Variants in DAPP1 observed in about 807,000 individuals in gnomAD.
DAPP1 encodes the protein dual adapter for phosphotyrosine and 3-phosphotyrosine and 3-phosphoinositide.
A neutral mutation model predicts 41.5 loss-of-function variants in DAPP1; 20 were observed. The ratio of observed to expected loss-of-function variants is 0.48; its 90% confidence interval spans 0.34 to 0.70. The LOEUF (loss-of-function observed/expected upper bound fraction) is 0.70. Ranked by LOEUF, DAPP1 falls within the 30% of genes least tolerant of loss-of-function variation. The probability of loss-of-function intolerance (pLI) is 0.01; values close to 1 mark genes in which losing one functional copy is unlikely to be tolerated. For synonymous variants in DAPP1, 113 were observed against 116.2 expected, an observed-to-expected ratio of 0.97 and a Z score of 0.18; for missense variants, 233 against 333.4, an observed-to-expected ratio of 0.70 and a Z score of 2.35.
chr4:99,853,309 A>G lies in DAPP1; in HGVS notation c.450A>G (p.Thr150=). The G allele has an allele frequency of 1.2e-6, 2 of 1,612,278 alleles. No individual in the cohort carries two copies. Among genetic ancestry groups the G allele is most frequent in the Non-Finnish European group, 1.7e-6 (2 of 1,179,062 alleles). Residue 150 remains threonine (T), a synonymous_variant, in exon 4 of 9, where the codon ACA becomes ACG. Transcript: ENST00000512369. ...ESVRVHTAMQ[T]GRTEDDLVPT... ...TCCGGGTTCACACAGCAATGCAGAC[A>G]GGAAGAACAGAAGATGACCTTGTGC...
chr4:99,841,557 G>A (rs1013254686), intron 3 of DAPP1, among the ~76,000 whole-genome samples: 1 of 152,118 alleles, frequency 6.6e-6, no homozygotes, highest in African/African-American at 2.4e-5. Context: ...TGAACAAATG[G>A]CCAGTGGAGG....
intron 1 of DAPP1, among the ~76,000 whole-genome samples, chr4:99,828,895 G>A (rs1723030628): frequency 6.6e-6 from 1 of 152,102 alleles, no homozygotes; most frequent in Non-Finnish European, 1.5e-5. Context: ...CATAATTATG[G>A]CAATGTGTGG....
chr4:99,821,000 T>C (rs1367089835), intron 1 of DAPP1, among the ~76,000 whole-genome samples: 2 of 152,184 alleles, frequency 1.3e-5, no homozygotes, highest in Non-Finnish European at 2.9e-5. Context: ...ATAAACAAAA[T>C]GAGTCCGTAT....
chr4:99,844,337 A>C (rs1041635989), intron 3 of DAPP1: 4 of 152,196 alleles, frequency 2.6e-5, no homozygotes, highest in African/African-American at 9.6e-5. Context: ...TTTCTGTCTC[A>C]ATAGTAGGAT....
intron 2 of DAPP1, among the ~76,000 whole-genome samples, chr4:99,838,695 C>T (rs547765751): frequency 4.5e-4 from 69 of 152,326 alleles, no homozygotes; most frequent in South Asian, 3.1e-3. Flanking sequence ...TCCTGCTGTG[C>T]GGCCTGGTTC....
Position 99,840,439 on chromosome 4 carries a change from C to T in DAPP1, c.358+17C>T, listed in dbSNP as rs1229795794. ...GCGAGACAGGTAAGCTATGAGCAGA[C>T]ACTTGACTTATGAAATAATGTTTCG... On this transcript the variant is annotated intron_variant, in intron 3 of 8. Transcript: ENST00000512369. 1 of 1,602,776 alleles carries T rather than the reference C, an allele frequency of 6.2e-7. No homozygotes were observed. The highest frequency in any genetic ancestry group is 1.7e-5 in the Admixed American group (1 of 57,774).
intron 7 of DAPP1, 43 bp downstream of exon 7, chr4:99,863,898 C>A: frequency 1.6e-6 from 2 of 1,281,896 alleles, no homozygotes; most frequent in Non-Finnish European, 2.2e-6. Context: ...TGTCTTCTTG[C>A]CAGACACTTA....
intron 1 of DAPP1, among the ~76,000 whole-genome samples, chr4:99,819,311 G>A (rs1578337969): frequency 6.6e-6 from 1 of 152,182 alleles, no homozygotes; most frequent in African/African-American, 2.4e-5. Flanking sequence ...AAGAGTTGGG[G>A]TGTGGAGAAA....
At chr4:99,854,922 T>C (rs1013509917) in intron 4 of DAPP1, among the ~76,000 whole-genome samples, 21 of 152,254 alleles carry the variant, frequency 1.4e-4, no homozygotes, top group African/African-American at 5.1e-4. Context: ...AATCATTGCT[T>C]GTCCTTGCAG....
chr4:99,839,479 G>T (rs1303258400), intron 2 of DAPP1, among the ~76,000 whole-genome samples: 1 of 151,458 alleles, frequency 6.6e-6, no homozygotes, highest in African/African-American at 2.4e-5. Context: ...AAATGACAAT[G>T]TAGGAAATTT....
At chr4:99,817,565 A>G (rs932129794) in intron 1 of DAPP1, among the ~76,000 whole-genome samples, 2 of 152,166 alleles carry the variant, frequency 1.3e-5, no homozygotes, top group Non-Finnish European at 2.9e-5. Flanking sequence ...GTATGTCCAG[A>G]GAGCCAACTT....
At chr4:99,848,053 C>G (rs998874952) in intron 3 of DAPP1, among the ~76,000 whole-genome samples, 1 of 151,938 alleles carries the variant, frequency 6.6e-6, no homozygotes, top group Non-Finnish European at 1.5e-5. Flanking sequence ...ACCTCATGAT[C>G]CGCCCCCTCG....
At position 99,836,276 on chromosome 4, in the gene DAPP1, A is replaced by G. The variant is rs1405743073; in HGVS notation, c.224+531A>G. Among the ~76,000 whole-genome samples, 3 of 152,166 alleles carry G rather than the reference A, an allele frequency of 2.0e-5. 1 individual carries two copies. Among genetic ancestry groups the G allele is most frequent in the Non-Finnish European group, 4.4e-5 (3 of 68,034 alleles). On this transcript the variant is annotated intron_variant, in intron 2 of 8. Coordinates refer to ENST00000512369, the MANE Select transcript of DAPP1 (RefSeq NM_014395.3). ...AGTTAATCCAGTCCCCACCAGGTTC[A>G]TACAGCCAAATGCAGTCATTGTCCA...
intron 1 of DAPP1, among the ~76,000 whole-genome samples, chr4:99,832,135 T>A (rs1723148082): frequency 6.6e-6 from 1 of 152,194 alleles, no homozygotes; most frequent in Non-Finnish European, 1.5e-5. Flanking sequence ...AGATTAATGG[T>A]TATTTGTCAC....
At chr4:99,820,499 A>G (rs189716919) in intron 1 of DAPP1, among the ~76,000 whole-genome samples, 1 of 152,366 alleles carries the variant, frequency 6.6e-6, no homozygotes, top group East Asian at 1.9e-4. Flanking sequence ...GAAACATAAT[A>G]AACGTTCTCT....
chr4:99,825,014 G>A (rs905244658), intron 1 of DAPP1, among the ~76,000 whole-genome samples: 1 of 152,116 alleles, frequency 6.6e-6, no homozygotes, highest in Admixed American at 6.5e-5. Flanking sequence ...CCCTGGGTAT[G>A]TTGGTCCATC....
intron 5 of DAPP1, among the ~76,000 whole-genome samples, chr4:99,862,092 A>C (rs1054268033): frequency 3.3e-5 from 5 of 152,228 alleles, no homozygotes; most frequent in African/African-American, 1.2e-4. Flanking sequence ...TTCCCCATTT[A>C]TGAGACTGTA....
At chr4:99,830,500 C>T (rs1723085766) in intron 1 of DAPP1, among the ~76,000 whole-genome samples, 1 of 152,170 alleles carries the variant, frequency 6.6e-6, no homozygotes, top group East Asian at 1.9e-4. Flanking sequence ...CTATAAACAT[C>T]AGACAAGGAA....
intron 4 of DAPP1, among the ~76,000 whole-genome samples, chr4:99,858,715 G>T (rs1340598166): frequency 6.6e-6 from 1 of 151,844 alleles, no homozygotes; most frequent in Non-Finnish European, 1.5e-5. Context: ...TACATTCATT[G>T]GTTGTCATTC....
Sources: allele counts gnomAD v4.1 joint callset (sites outside exome capture counted in the v4.1 genomes callset), GRCh38; gene constraint gnomAD v4.1.1; transcripts MANE v1.5; gene names NCBI Gene and HGNC (gene_info 2026-07-23, HGNC 2026-07-21).